Variants in HS2ST1 observed in about 807,000 individuals in gnomAD.
The protein encoded by HS2ST1 is 2-O-sulfotransferase.
In HS2ST1, 18 loss-of-function variants were observed where a neutral mutation model predicts 42.9. That is an observed-to-expected ratio of 0.42 (90% CI 0.29 to 0.62). The LOEUF (loss-of-function observed/expected upper bound fraction) is 0.62, where lower values mean the gene tolerates loss of function less well. Among genes scored for constraint, HS2ST1 ranks in the 20% least tolerant of loss-of-function variants. The pLI, the probability that HS2ST1 is intolerant of heterozygous loss-of-function variation, is 0.21. For synonymous variants in HS2ST1, 146 were observed against 152.9 expected (o/e 0.95, Z 0.33); for missense variants, 334 against 433.8 (o/e 0.77, Z 2.04).
At position 87,097,828 on chromosome 1, in the gene HS2ST1, T is replaced by A. The variant is rs768416329; in HGVS notation, c.589-10T>A. The A allele has an allele frequency of 4.3e-6, 7 of 1,613,716 alleles. No homozygotes were observed. The African/African-American group carries it at 9.3e-5, about 22-fold the overall frequency. On this transcript the variant is annotated splice_polypyrimidine_tract_variant and intron_variant, in intron 4 of 6. Coordinates refer to ENST00000370550, the MANE Select transcript of HS2ST1 (RefSeq NM_012262.4). ...TATGGCTTACCCGTGCTGCTTTGTC[T>A]TTGTTCTAGACCTTTGATGAATGTG...
At chr1:87,043,368 G>A (rs1218375532) in intron 1 of HS2ST1, among the ~76,000 whole-genome samples, 1 of 152,018 alleles carries the variant, frequency 6.6e-6, no homozygotes, top group African/African-American at 2.4e-5. Context: ...CATTTTGTAG[G>A]TGGCTCTAAA....
chr1:87,039,941 A>G lies in HS2ST1; in HGVS notation c.125-32993A>G, dbSNP rs538627498. Among the ~76,000 whole-genome samples, 4 of 152,250 alleles carry G rather than the reference A, an allele frequency of 2.6e-5. No homozygotes were observed. In the South Asian group the frequency reaches 8.3e-4, roughly 32 times the overall value. Reference sequence around the variant, plus strand: ...AAGTAGTGTCTAATTTGTGTAGTCTAATTAGTGGCATTTTAAAATCCCATT... The same window carrying G: ...AAGTAGTGTCTAATTTGTGTAGTCTGATTAGTGGCATTTTAAAATCCCATT... On this transcript the variant is annotated intron_variant, in intron 1 of 6. Coordinates refer to ENST00000370550, the MANE Select transcript of HS2ST1 (RefSeq NM_012262.4).
chr1:86,996,275 T>A (rs1049823714), intron 1 of HS2ST1, among the ~76,000 whole-genome samples: 2 of 151,888 alleles, frequency 1.3e-5, no homozygotes, highest in Non-Finnish European at 2.9e-5. Context: ...AAACCCCGTC[T>A]CTACTAAAAA....
chr1:87,053,126 G>C (rs1032121728), intron 1 of HS2ST1, among the ~76,000 whole-genome samples: 25 of 152,144 alleles, frequency 1.6e-4, no homozygotes. Context: ...TGCTGCATTA[G>C]GTTTTCGTTA....
chr1:86,968,799 A>T (rs1648144114), intron 1 of HS2ST1, among the ~76,000 whole-genome samples: 1 of 152,178 alleles, frequency 6.6e-6, no homozygotes. Context: ...AAAAAGCTTC[A>T]TGCTGCTAGA....
At chr1:87,041,247 A>T (rs1650516398) in intron 1 of HS2ST1, among the ~76,000 whole-genome samples, 1 of 147,900 alleles carries the variant, frequency 6.8e-6, no homozygotes, top group African/African-American at 2.5e-5. Flanking sequence ...AAAACAAAAA[A>T]AAAAAAAGTG....
rs149849195 is a variant in HS2ST1 at position 87,040,851 on chromosome 1, T to A, written c.125-32083T>A. On this transcript the variant is annotated intron_variant, in intron 1 of 6. Transcript: ENST00000370550. ...TCAAAAAACTGTAAAAGGTGGAAAG[T>A]AGTACAATTTCCAAGAATTAGTTAG... 1.4e-3 allele frequency among the ~76,000 whole-genome samples: 212 copies of A among 152,154 alleles called. 1 individual carries two copies. Among genetic ancestry groups the A allele is most frequent in the Non-Finnish European group, 2.6e-3 (176 of 67,992 alleles).
At chr1:86,958,884 A>G (rs545445635) in intron 1 of HS2ST1, among the ~76,000 whole-genome samples, 9 of 152,386 alleles carry the variant, frequency 5.9e-5, no homozygotes, top group African/African-American at 2.2e-4. Context: ...AAAGAATTAC[A>G]TACTATAGCT....
intron 1 of HS2ST1, among the ~76,000 whole-genome samples, chr1:87,044,140 T>A (rs7544881): frequency 0.9 from 137,648 of 152,118 alleles, 62,544 homozygotes; most frequent in East Asian, 0.99. Flanking sequence ...GTTATGTAGA[T>A]CTAGAAAATA....
intron 1 of HS2ST1, among the ~76,000 whole-genome samples, chr1:87,047,024 T>A (rs1010622587): frequency 5.3e-5 from 8 of 151,968 alleles, no homozygotes; most frequent in African/African-American, 1.9e-4. Context: ...TTTAACTTTT[T>A]AAGAAATTGT....
At chr1:87,066,968 C>T (rs750161562) in intron 1 of HS2ST1, among the ~76,000 whole-genome samples, 11 of 152,252 alleles carry the variant, frequency 7.2e-5, no homozygotes, top group South Asian at 2.1e-4. Context: ...TCCAGTCTAT[C>T]ATTGATGGGG....
At chr1:87,010,871 C>T (rs1039766344) in intron 1 of HS2ST1, among the ~76,000 whole-genome samples, 1 of 151,154 alleles carries the variant, frequency 6.6e-6, no homozygotes, top group African/African-American at 2.4e-5. Context: ...CTGCAGCTTC[C>T]ACTTCCCGGG....
intron 1 of HS2ST1, chr1:86,992,919 G>A: frequency 1.6e-6 from 1 of 628,146 alleles, no homozygotes; most frequent in Non-Finnish European, 2.7e-6. Flanking sequence ...TAAAAAGTAT[G>A]AGCTAACTGT....
chr1:87,045,705 T>G, intron 1 of HS2ST1: 2 of 802,600 alleles, frequency 2.5e-6, no homozygotes, highest in Non-Finnish European at 2.3e-6. Context: ...AGGAATAATA[T>G]TCCCTGCCAC....
chr1:87,014,237 TC>T, intron 1 of HS2ST1, among the ~76,000 whole-genome samples: 1 of 152,284 alleles, frequency 6.6e-6, no homozygotes, highest in East Asian at 1.9e-4. Flanking sequence ...GACCCACAGT[TC>T]CACATGGCTG....
intron 1 of HS2ST1, among the ~76,000 whole-genome samples, chr1:86,974,178 C>T (rs1438840040): frequency 1.3e-5 from 2 of 152,120 alleles, no homozygotes; most frequent in African/African-American, 4.8e-5. Flanking sequence ...AGAATGGGGG[C>T]TGGTCACCAG....
intron 1 of HS2ST1, among the ~76,000 whole-genome samples, chr1:86,927,901 A>G (rs1011611755): frequency 4.6e-5 from 7 of 152,002 alleles, no homozygotes; most frequent in South Asian, 4.1e-4. Flanking sequence ...AACTAGTTTT[A>G]TTTTTTTCTG....
intron 1 of HS2ST1, among the ~76,000 whole-genome samples, chr1:87,013,757 C>T (rs1014224341): frequency 2.0e-5 from 3 of 152,146 alleles, no homozygotes; most frequent in Non-Finnish European, 2.9e-5. Context: ...TTTGTAAGTA[C>T]ATAAAGCTGA....
intron 1 of HS2ST1, among the ~76,000 whole-genome samples, chr1:87,010,293 CA>C (rs1417891960): frequency 6.6e-6 from 1 of 151,082 alleles, no homozygotes; most frequent in Non-Finnish European, 1.5e-5. Flanking sequence ...CAGAGAAGCA[CA>C]ATTTTTTTTT....
Sources: allele counts gnomAD v4.1 joint callset (sites outside exome capture counted in the v4.1 genomes callset), GRCh38; gene constraint gnomAD v4.1.1; transcripts MANE v1.5; gene names NCBI Gene and HGNC (gene_info 2026-07-23, HGNC 2026-07-21).